Variants in DNAH11 observed in about 807,000 individuals in gnomAD.
The protein encoded by DNAH11 is dynein axonemal heavy chain 11.
DNAH11 carries 442 observed loss-of-function variants against 526.0 expected under a neutral mutation model. The ratio of observed to expected loss-of-function variants is 0.84; its 90% CI spans 0.78 to 0.91. The LOEUF (loss-of-function observed/expected upper bound fraction) is 0.91, where lower values mean the gene tolerates loss of function less well. Among genes scored for constraint, DNAH11 ranks in the 40% least tolerant of loss-of-function variants. DNAH11 has a pLI of 0.00. For synonymous variants in DNAH11, 2,461 were observed against 1,935.9 expected, an observed-to-expected ratio of 1.27 and a Z score of -7.12; for missense variants, 6,989 against 5,448.7, an observed-to-expected ratio of 1.28 and a Z score of -8.90.
chr7:21,554,235 G>A (rs1412374799), intron 2 of DNAH11, among the ~76,000 whole-genome samples: 2 of 148,812 alleles, frequency 1.3e-5, no homozygotes, highest in African/African-American at 5.0e-5. Context: ...GTGCAGTGGT[G>A]CAATCTTGGC....
intron 25 of DNAH11, among the ~76,000 whole-genome samples, chr7:21,623,893 C>A (rs1010537491): frequency 6.6e-6 from 1 of 151,582 alleles, no homozygotes; most frequent in African/African-American, 2.4e-5. Flanking sequence ...TGCAGCACAC[C>A]AGCATGGCAC....
intron 30 of DNAH11, 106 bp downstream of exon 30, chr7:21,659,137 A>C (rs995966294): frequency 3.2e-6 from 3 of 951,506 alleles, no homozygotes; most frequent in Non-Finnish European, 3.1e-6. Context: ...CTGTGTGCAA[A>C]ATACTATGCT....
At chr7:21,717,633 A>T (rs1784715964) in intron 42 of DNAH11, 142 bp from the exon 43 acceptor site, 1 of 932,556 alleles carries the variant, frequency 1.1e-6, no homozygotes, top group South Asian at 2.1e-5. Context: ...AAATATTTGC[A>T]GTTTGAAAAA....
At chr7:21,777,613 A>G (rs1196802521) in intron 56 of DNAH11, among the ~76,000 whole-genome samples, 2 of 152,196 alleles carry the variant, frequency 1.3e-5, no homozygotes, top group Non-Finnish European at 2.9e-5. Context: ...AACCATTCTA[A>G]TAGGCGTGTA....
chr7:21,699,889 G>C (rs1049890828), intron 36 of DNAH11, among the ~76,000 whole-genome samples: 5 of 151,866 alleles, frequency 3.3e-5, no homozygotes, highest in Non-Finnish European at 7.4e-5. Context: ...CAAAACAAAT[G>C]AAACAAACAC....
intron 79 of DNAH11, 82 bp downstream of exon 79, chr7:21,895,081 C>T (rs1262839363): frequency 3.5e-6 from 4 of 1,148,108 alleles, no homozygotes; most frequent in Non-Finnish European, 5.2e-6. Flanking sequence ...TTCCTAAGAA[C>T]TATGCAGACG....
intron 3 of DNAH11, among the ~76,000 whole-genome samples, chr7:21,559,219 A>G (rs1287965803): frequency 2.0e-5 from 3 of 152,246 alleles, no homozygotes; most frequent in African/African-American, 4.8e-5. Context: ...TAGCAAACCC[A>G]TTAGCAAACA....
chr7:21,710,556 TG>T lies in DNAH11; in HGVS notation c.6688del (p.Val2230PhefsTer6). 1 of 1,605,326 alleles carries T rather than the reference TG, an allele frequency of 6.2e-7. No individual in the cohort carries two copies. The highest frequency in any genetic ancestry group is 1.7e-5 in the Admixed American group (1 of 59,278). On this transcript the variant is annotated frameshift_variant, in exon 41 of 82. Transcript: ENST00000409508. LOFTEE classifies it high-confidence loss of function. ...ACTCAACTACATTATATATTAGGATTGTTTACTCTTATTTTATAGGTCTCTT... is the reference window on the plus strand; with the variant it reads ...ACTCAACTACATTATATATTAGGATTTTTACTCTTATTTTATAGGTCTCTT... ...ATREWKDGKI[V>X]YSYFIGLFSS... is the part of the protein sequence containing the mutation.
chr7:21,783,292 C>T (rs17358098), intron 57 of DNAH11, among the ~76,000 whole-genome samples: 44,435 of 151,940 alleles, frequency 0.29, 7,852 homozygotes, highest in Non-Finnish European at 0.4. Flanking sequence ...CTACCCCGAA[C>T]CAATTATGTT....
At position 21,581,961 on chromosome 7, in the gene DNAH11, G is replaced by C. The variant is rs555139679; in HGVS notation, c.1650G>C (p.Arg550Ser). The change falls in exon 9 of 82, where the codon AGG (arginine) becomes AGC (serine). Residue 550 changes from arginine to serine, a missense_variant. Physicochemically the swap from Arg to Ser is moderately radical, Grantham distance 110. Coordinates refer to ENST00000409508, the MANE Select transcript of DNAH11 (RefSeq NM_001277115.2). The stretch of plus-strand genomic sequence containing the variant: ...CCAAAACTCTGGAATTTGACAGAAG[G>C]CTTGGGACAATTATTTGTGAAGCTT... Reference protein sequence around the residue: ...FKSKTLEFDRRLGTIICEAFF... With the variant: ...FKSKTLEFDRSLGTIICEAFF... 130 of 1,613,334 alleles carry C rather than the reference G, an allele frequency of 8.1e-5. 2 individuals carry two copies. The South Asian group carries it at 1.4e-3, about 17-fold the overall frequency.
At chr7:21,574,867 CTTTTTTTTTTTT>C (rs869117425) in intron 8 of DNAH11, among the ~76,000 whole-genome samples, 1 of 42,850 alleles carries the variant, frequency 2.3e-5, no homozygotes, top group East Asian at 1.5e-3. Flanking sequence ...CTGCACTGGG[CTTTTTTTTTTTT>C]TTTTTTTTTT....
chr7:21,782,785 C>G (rs1788005000), intron 57 of DNAH11, among the ~76,000 whole-genome samples: 1 of 151,996 alleles, frequency 6.6e-6, no homozygotes, highest in Non-Finnish European at 1.5e-5. Context: ...TGGTGCGTGC[C>G]TGTAATCCCA....
rs1203885941 is a variant in DNAH11, at chr7:21,561,216, C to G, written c.982+46C>G. The G allele has an allele frequency of 2.2e-6, 3 of 1,382,382 alleles. No individual in the cohort carries two copies. In the Admixed American group the frequency reaches 5.9e-5, roughly 27 times the overall value. 85.6% of individuals were successfully genotyped at this position (1,382,382 alleles called of 1,614,324 possible). A position where few individuals can be genotyped will look rare whatever the true frequency, so the allele number is the denominator to read the frequency against. On this transcript the variant is annotated intron_variant, in intron 5 of 81. Transcript: ENST00000409508. ...CCTGGCATCAATATCACCATCTGCTCATGATCCAGCCCCTGCCTGCTCGGC... is the reference window on the plus strand; with the variant it reads ...CCTGGCATCAATATCACCATCTGCTGATGATCCAGCCCCTGCCTGCTCGGC...
intron 14 of DNAH11, among the ~76,000 whole-genome samples, chr7:21,593,614 G>A (rs930183139): frequency 6.6e-6 from 1 of 152,160 alleles, no homozygotes; most frequent in Non-Finnish European, 1.5e-5. Context: ...CTTTAGACAG[G>A]AGCGCGGAGC....
At chr7:21,624,838 A>G (rs1786254900) in intron 25 of DNAH11, among the ~76,000 whole-genome samples, 1 of 152,132 alleles carries the variant, frequency 6.6e-6, no homozygotes, top group African/African-American at 2.4e-5. Context: ...TAAATATGGT[A>G]TATCACATTT....
intron 58 of DNAH11, 136 bp downstream of exon 58, chr7:21,784,676 T>C (rs750424215): frequency 3.0e-5 from 18 of 607,946 alleles, no homozygotes; most frequent in Non-Finnish European, 4.6e-5. Flanking sequence ...CCATGAAATA[T>C]TAAAGTTGAA....
Position 21,900,128 on chromosome 7 carries a change from A to AC in DNAH11, c.13303+12dup. Reference sequence around the variant, plus strand: ...ACGGACTCTTCATGGAGGGTAAGACACCCCAAGGGGTAAGTGGGGAACCTT... The same window carrying AC: ...ACGGACTCTTCATGGAGGGTAAGACACCCCCAAGGGGTAAGTGGGGAACCTT... On this transcript the variant is annotated intron_variant, in intron 81 of 81. Transcript: ENST00000409508. 1 of 1,605,504 alleles carries AC rather than the reference A, an allele frequency of 6.2e-7. No individual in the cohort carries two copies. The highest frequency in any genetic ancestry group is 8.5e-7 in the Non-Finnish European group (1 of 1,175,374).
chr7:21,554,716 G>A (rs1196738723), intron 2 of DNAH11, among the ~76,000 whole-genome samples: 3 of 152,068 alleles, frequency 2.0e-5, no homozygotes, highest in Non-Finnish European at 4.4e-5. Context: ...TTTTAGAAGT[G>A]GTTTCATTTC....
intron 42 of DNAH11, among the ~76,000 whole-genome samples, chr7:21,712,875 A>G (rs755390670): frequency 2.6e-4 from 40 of 152,188 alleles, no homozygotes; most frequent in Non-Finnish European, 4.4e-4. Context: ...TGCCTTTGTC[A>G]TTTTTACTTG....
Sources: allele counts gnomAD v4.1 joint callset (sites outside exome capture counted in the v4.1 genomes callset), GRCh38; gene constraint gnomAD v4.1.1; transcripts MANE v1.5; gene names NCBI Gene and HGNC (gene_info 2026-07-23, HGNC 2026-07-21).